The following FAN1 variants were observed in gnomAD, a reference collection of about 807,000 sequenced individuals.
The protein encoded by FAN1 is FANCD2 and FANCI associated nuclease 1.
A neutral mutation model predicts 104.9 loss-of-function variants in FAN1; 91 were observed. That is an observed-to-expected ratio of 0.87 (90% CI 0.73 to 1.03). The LOEUF is 1.03. Among genes scored for constraint, FAN1 ranks in the 50% least tolerant of loss-of-function variants. The pLI is 0.00. For synonymous variants in FAN1, 478 were observed against 457.6 expected (o/e 1.04, Z -0.57); for missense variants, 1,263 against 1,239.9 (o/e 1.02, Z -0.28).
chr15:30,937,447 CTTTTTTTTT>C lies in FAN1; in HGVS notation c.*3+202_*3+210del, dbSNP rs11317050. On this transcript the variant is annotated intron_variant, in intron 14 of 14. Coordinates refer to ENST00000362065, the MANE Select transcript of FAN1 (RefSeq NM_014967.5). ...TTGATTCCACACAGTGGGTAATAAA[CTTTTTTTTT>C]TTTTTTTTTTTTTGAGACAGAGTCT... 1.5e-3 allele frequency among the ~76,000 whole-genome samples: 120 copies of C among 78,984 alleles called. 1 individual carries two copies. The highest frequency in any genetic ancestry group is 5.8e-3 in the African/African-American group (114 of 19,666). The allele number at this position is 78,984 out of a possible 152,430, so 51.8% of individuals were successfully genotyped here.
rs982428839 is a variant in FAN1, at chr15:30,925,799, C to T, written c.2348C>T (p.Thr783Ile). ...AVQDVKHVTI[T>I]GRLCPQRGMC... ...CTGCTGCTGTTTCAGGTGACCATCA[C>T]AGGCAGGCTGTGCCCACAGCGTGGG... The change falls in exon 10 of 15, where the codon ACA becomes ATA. Residue 783 changes from threonine to isoleucine, a missense_variant. By Grantham distance (89) the Thr-to-Ile change is moderately conservative (BLOSUM62 -1). Coordinates refer to ENST00000362065, the MANE Select transcript of FAN1 (RefSeq NM_014967.5). 1.2e-6 allele frequency: 2 copies of T among 1,614,042 alleles called. No homozygotes were observed. The highest frequency in any genetic ancestry group is 1.7e-6 in the Non-Finnish European group (2 of 1,180,044).
At chr15:30,907,518 CAAAAA>C (rs759571044) in intron 2 of FAN1, among the ~76,000 whole-genome samples, 1 of 146,002 alleles carries the variant, frequency 6.8e-6, no homozygotes, top group Non-Finnish European at 1.5e-5. Context: ...AACTCCATCT[CAAAAA>C]AAACAAAACA....
intron 2 of FAN1, among the ~76,000 whole-genome samples, chr15:30,907,440 C>T (rs2140902244): frequency 6.6e-6 from 1 of 152,128 alleles, no homozygotes; most frequent in Non-Finnish European, 1.5e-5. Flanking sequence ...ATGGCATGAA[C>T]CCAGGAGGCA....
Position 30,913,953 on chromosome 15 carries a change from T to A in FAN1, c.1673T>A (p.Met558Lys), listed in dbSNP as rs1023313033. The change falls in exon 5 of 15, where the codon ATG (methionine) becomes AAG (lysine). Residue 558 changes from methionine to lysine, a missense_variant. This residue lies in a region of FAN1 where 581 missense variants were observed against 668.8 expected (regional missense o/e 0.87). Coordinates refer to ENST00000362065, the MANE Select transcript of FAN1 (RefSeq NM_014967.5). Reference sequence around the variant, plus strand: ...CTACTGTTTTCGTTGACCGACTCAATGGAAGATGAAGACGCCGCTTGTGGA... The same window carrying A: ...CTACTGTTTTCGTTGACCGACTCAAAGGAAGATGAAGACGCCGCTTGTGGA... ...ILLLFSLTDS[M>K]EDEDAACGGQ... 6.2e-7 allele frequency: 1 copy of A among 1,614,168 alleles called. No individual in the cohort carries two copies. The highest frequency in any genetic ancestry group is 8.5e-7 in the Non-Finnish European group (1 of 1,180,010).
chr15:30,920,678 C>CA (rs2062308051), intron 7 of FAN1, 25 bp downstream of exon 7: 1 of 1,351,430 alleles, frequency 7.4e-7, no homozygotes, highest in Non-Finnish European at 1.0e-6. Flanking sequence ...CCCTGCCCCC[C>CA]ACCATTACTG....
chr15:30,941,465 C>G (rs1566941950), intron 14 of FAN1, 101 bp from the exon 15 acceptor site: 2 of 1,597,010 alleles, frequency 1.3e-6, no homozygotes, highest in Admixed American at 1.7e-5. Flanking sequence ...AGAAAACACC[C>G]TATTTTAGTC....
chr15:30,915,716 A>T (rs1283494162), intron 5 of FAN1, among the ~76,000 whole-genome samples: 4 of 152,210 alleles, frequency 2.6e-5, no homozygotes, highest in African/African-American at 9.6e-5. Flanking sequence ...AATATGTGCA[A>T]TTTTATGTTA....
In FAN1 at chr15:30,905,228, GT is replaced by G. The variant is rs1566906666; in HGVS notation, c.567del (p.Lys190ArgfsTer3). The G allele has an allele frequency of 6.2e-7, 1 of 1,614,018 alleles. No homozygotes were observed. The highest frequency in any genetic ancestry group is 1.1e-5 in the South Asian group (1 of 91,084). On this transcript the variant is annotated frameshift_variant, in exon 2 of 15. Transcript: ENST00000362065. LOFTEE classifies it high-confidence loss of function. The part of the protein sequence containing the change: ...SSPQSSKSTV[V>X]KSLIDNSSEI... ...TCCACAGAGTTCCAAATCCACAGTT[GT>G]TAAGAGCCTGATTGATAACTCTTCA...
intron 13 of FAN1, among the ~76,000 whole-genome samples, chr15:30,935,759 A>G (rs1291574981): frequency 6.8e-6 from 1 of 147,154 alleles, no homozygotes; most frequent in Non-Finnish European, 1.5e-5. Flanking sequence ...AATGAATTTT[A>G]TGTTGACAGT....
intron 10 of FAN1, chr15:30,928,186 G>T: frequency 2.0e-6 from 2 of 1,020,514 alleles, no homozygotes; most frequent in South Asian, 3.8e-5. Flanking sequence ...TTCTGTGCCA[G>T]CCCAGCCCTG....
rs1321661380 is a variant in FAN1 at position 30,929,792 on chromosome 15, A to ATAAAAT, written c.2787+395_2787+396insTAAAAT. On this transcript the variant is annotated intron_variant, in intron 12 of 14. Transcript: ENST00000362065. Reference sequence around the variant, plus strand: ...ATATATAATATATTATATCATATATAATATAATATATAAAATATATAATAT... The same window carrying ATAAAAT: ...ATATATAATATATTATATCATATATATAAAATATATAATATATAAAATATATAATAT... 6.6e-4 allele frequency among the ~76,000 whole-genome samples: 34 copies of ATAAAAT among 51,376 alleles called. 6 individuals carry two copies. Among genetic ancestry groups the ATAAAAT allele is most frequent in the African/African-American group, 3.2e-3 (33 of 10,464 alleles). 33.7% of individuals were successfully genotyped at this position (51,376 alleles called of 152,430 possible). A position where few individuals can be genotyped will look rare whatever the true frequency, so the allele number is the denominator to read the frequency against.
intron 14 of FAN1, among the ~76,000 whole-genome samples, chr15:30,937,865 G>T (rs2140973803): frequency 6.6e-6 from 1 of 152,052 alleles, no homozygotes; most frequent in Admixed American, 6.6e-5. Context: ...AACAAGTGAT[G>T]ATTCATCTTT....
rs752357738 is a variant in FAN1, at chr15:30,925,175, G to A, written c.2221G>A (p.Gly741Arg). 5.6e-6 allele frequency: 9 copies of A among 1,614,032 alleles called. No homozygotes were observed. In the South Asian group the frequency reaches 8.8e-5, roughly 16 times the overall value. Reference protein sequence around the residue: ...EGLADPEVRTGHRLSLYQRAV... With the variant: ...EGLADPEVRTRHRLSLYQRAV... The stretch of plus-strand genomic sequence containing the variant: ...GCTGGCGGATCCGGAAGTCAGAACG[G>A]GACACCGCCTTTCACTGTATCAGCG... Residue 741 changes from glycine (G) to arginine (R), a missense_variant, in exon 9 of 15, where the codon GGA becomes AGA. Gly to Arg is a moderately radical substitution (Grantham distance 125, BLOSUM62 -2). Coordinates refer to ENST00000362065, the MANE Select transcript of FAN1 (RefSeq NM_014967.5).
chr15:30,919,318 TGTG>T (rs1412669679), intron 6 of FAN1, among the ~76,000 whole-genome samples: 2 of 146,870 alleles, frequency 1.4e-5, no homozygotes, highest in South Asian at 2.2e-4. Context: ...AGGTGGAGGT[TGTG>T]GTGAGCTGAG....
intron 10 of FAN1, chr15:30,928,198 T>C (rs2062514024): frequency 9.7e-7 from 1 of 1,027,004 alleles, no homozygotes. Flanking sequence ...CCAGCCCTGC[T>C]AAGTCCCAGC....
intron 9 of FAN1, 58 bp from the exon 10 acceptor site, chr15:30,925,731 G>C: frequency 6.3e-7 from 1 of 1,597,354 alleles, no homozygotes; most frequent in South Asian, 1.1e-5. Flanking sequence ...CTACAGGCAG[G>C]TTTTCAGGGA....
Position 30,929,673 on chromosome 15 carries a change from TATATC to T in FAN1, c.2787+281_2787+285del, listed in dbSNP as rs1297455667. Among the ~76,000 whole-genome samples the T allele has an allele frequency of 1.2e-3, 79 of 68,078 alleles. 5 individuals are homozygous for T. Among genetic ancestry groups the T allele is most frequent in the African/African-American group, 2.7e-3 (53 of 19,316 alleles). The allele number at this position is 68,078 out of a possible 152,430, so 44.7% of individuals were successfully genotyped here. On this transcript the variant is annotated intron_variant, in intron 12 of 14. Coordinates refer to ENST00000362065, the MANE Select transcript of FAN1 (RefSeq NM_014967.5). ...ATAATATAATATATGAAATATATAATATATCATATAATATATATAAAATATATATT... is the reference window on the plus strand; with the variant it reads ...ATAATATAATATATGAAATATATAATATATAATATATATAAAATATATATT...
chr15:30,904,867 C>T lies in FAN1; in HGVS notation c.204C>T (p.Asp68=). The change falls in exon 2 of 15, where the codon GAC becomes GAT. Residue 68 remains aspartate, a synonymous_variant. Transcript: ENST00000362065. Reference sequence around the variant, plus strand: ...TTGATGAAATGTGTGCTAACAATGACTTCGTTCAAGTGGATCCAGGGCAGG... The same window carrying T: ...TTGATGAAATGTGTGCTAACAATGATTTCGTTCAAGTGGATCCAGGGCAGG... The part of the protein sequence containing the change: ...RHLDEMCANN[D]FVQVDPGQVG... 2 of 1,613,544 alleles carry T rather than the reference C, an allele frequency of 1.2e-6. No individual in the cohort carries two copies.
chr15:30,910,745 T>A lies in FAN1; in HGVS notation c.1507T>A (p.Leu503Met), dbSNP rs1319717309. The A allele has an allele frequency of 6.2e-7, 1 of 1,614,010 alleles. No homozygotes were observed. The highest frequency in any genetic ancestry group is 1.7e-5 in the Admixed American group (1 of 60,002). ...KQQLVDAFLKLAKQRSVCTWG... is the reference protein window; with the variant it reads ...KQQLVDAFLKMAKQRSVCTWG... ...GCAGCTGGTGGACGCCTTTCTCAAA[T>A]TGGCCAAACAGCGTTCAGTCTGCAC... The change falls in exon 4 of 15, where the codon TTG becomes ATG. Residue 503 changes from leucine to methionine, a missense_variant. By Grantham distance (15) the Leu-to-Met change is conservative. Coordinates refer to ENST00000362065, the MANE Select transcript of FAN1 (RefSeq NM_014967.5).
Sources: gnomAD v4.1 joint callset for allele counts (sites outside exome capture counted in the v4.1 genomes callset) on GRCh38, gnomAD v4.1.1 for gene constraint, gnomAD v4.1.1 regional missense constraint, MANE v1.5 for transcripts, NCBI Gene and HGNC (gene_info 2026-07-23, HGNC 2026-07-21) for gene names.